Variants in MS4A14 observed in about 807,000 individuals in gnomAD.
MS4A14 encodes the protein membrane spanning 4-domains A14.
MS4A14 carries 18 observed loss-of-function variants against 16.7 expected under a neutral mutation model. The ratio of observed to expected loss-of-function variants is 1.08; its 90% CI spans 0.75 to 1.60. MS4A14 has a LOEUF of 1.60. Ranked by LOEUF, MS4A14 falls within the 40% of genes most tolerant of loss-of-function variation. MS4A14 has a pLI of 0.00. For missense variants in MS4A14, 812 were observed against 775.3 expected (o/e 1.05, Z -0.56); for synonymous variants, 305 against 289.4 (o/e 1.05, Z -0.55).
chr11:60,417,166 A>T lies in MS4A14; in HGVS notation c.*158A>T, dbSNP rs2085960836. 1 of 821,270 alleles carries T rather than the reference A, an allele frequency of 1.2e-6. No homozygotes were observed. Among genetic ancestry groups the T allele is most frequent in the South Asian group, 2.0e-5 (1 of 50,190 alleles). The allele number at this position is 821,270 out of a possible 1,614,324, so 50.9% of individuals were successfully genotyped here. On this transcript the variant is annotated 3_prime_UTR_variant, in exon 5 of 5. Transcript: ENST00000300187. ...ACGCAACAGCCCAACATAACCTAGA[A>T]TGTCAAGACACTCAAGATAAAGACC... is the stretch of plus-strand genomic sequence containing the variant.
chr11:60,416,224 C>A lies in MS4A14; in HGVS notation c.1256C>A (p.Ala419Asp). Residue 419 changes from alanine to aspartate, a missense_variant, in exon 5 of 5, where the codon GCC becomes GAC. Transcript: ENST00000300187. ...ALSAHAILPE[A>D]STSHIVQFPE... Reference sequence around the variant, plus strand: ...TCAGCGCATGCCATATTACCTGAAGCCTCAACATCCCATATTGTGCAGTTC... The same window carrying A: ...TCAGCGCATGCCATATTACCTGAAGACTCAACATCCCATATTGTGCAGTTC... 6.2e-7 allele frequency: 1 copy of A among 1,613,954 alleles called. No homozygotes were observed. The highest frequency in any genetic ancestry group is 8.5e-7 in the Non-Finnish European group (1 of 1,179,946).
Position 60,415,676 on chromosome 11 carries a change from T to C in MS4A14, c.708T>C (p.Ser236=), listed in dbSNP as rs764252361. 2 of 1,613,914 alleles carry C rather than the reference T, an allele frequency of 1.2e-6. No individual in the cohort carries two copies. The highest frequency in any genetic ancestry group is 1.7e-6 in the Non-Finnish European group (2 of 1,179,880). ...REFVPDEQKQ[S]ILPSPKFSEE... ...TTGTGCCAGATGAACAAAAGCAAAG[T>C]ATCCTTCCATCTCCCAAATTTTCAG... The change falls in exon 5 of 5, where the codon AGT becomes AGC. Residue 236 remains serine, a synonymous_variant. Coordinates refer to ENST00000300187, the MANE Select transcript of MS4A14 (RefSeq NM_032597.5).
rs755965398 is a variant in MS4A14 at position 60,416,468 on chromosome 11, A to G, written c.1500A>G (p.Arg500=). Residue 500 remains arginine, a synonymous_variant, in exon 5 of 5, where the codon AGA becomes AGG. Coordinates refer to ENST00000300187, the MANE Select transcript of MS4A14 (RefSeq NM_032597.5). ...CCAAAGCCTTGCAATACTTAAGGAG[A>G]CATTCTTTAGACGTGCAAGCCAAAG... ...QQTKALQYLR[R]HSLDVQAKGQ... 1 of 1,613,986 alleles carries G rather than the reference A, an allele frequency of 6.2e-7. No homozygotes were observed. Among genetic ancestry groups the G allele is most frequent in the Admixed American group, 1.7e-5 (1 of 59,986 alleles).
At chr11:60,406,305 G>A (rs2085785244) in intron 4 of MS4A14, among the ~76,000 whole-genome samples, 2 of 152,116 alleles carry the variant, frequency 1.3e-5, no homozygotes, top group African/African-American at 4.8e-5. Context: ...GTGACATGGG[G>A]TGTATATTCT....
chr11:60,396,863 C>T, intron 1 of MS4A14, 147 bp downstream of exon 1: 1 of 817,448 alleles, frequency 1.2e-6, no homozygotes, highest in Non-Finnish European at 1.8e-6. Context: ...GAAATTAGTA[C>T]TGATCTTTGA....
intron 4 of MS4A14, among the ~76,000 whole-genome samples, chr11:60,410,972 A>C (rs2085860796): frequency 6.6e-6 from 1 of 152,044 alleles, no homozygotes; most frequent in Non-Finnish European, 1.5e-5. Flanking sequence ...CGGCCTCCTA[A>C]GTAGCTGGGA....
chr11:60,415,977 T>C lies in MS4A14; in HGVS notation c.1009T>C (p.Ser337Pro), dbSNP rs2085934943. 6.2e-7 allele frequency: 1 copy of C among 1,613,810 alleles called. No individual in the cohort carries two copies. The highest frequency in any genetic ancestry group is 1.7e-5 in the Admixed American group (1 of 59,930). Residue 337 changes from serine to proline, a missense_variant, in exon 5 of 5, where the codon TCT becomes CCT. Physicochemically the swap from Ser to Pro is moderately conservative, Grantham distance 74. Transcript: ENST00000300187. ...AGGCCTGTCAGAACAAACCATGCCA[T>C]CTAAGTCTACATCATCCCATGTCAA... ...VEGLSEQTMP[S>P]KSTSSHVKQS... is the part of the protein sequence containing the mutation.
chr11:60,405,026 C>A (rs1320455805), intron 4 of MS4A14, among the ~76,000 whole-genome samples: 3 of 151,750 alleles, frequency 2.0e-5, no homozygotes, highest in African/African-American at 7.2e-5. Context: ...GCAGGGAAAC[C>A]AAGATTCAGA....
At chr11:60,398,470 T>C (rs1421034155) in intron 2 of MS4A14, among the ~76,000 whole-genome samples, 1 of 152,216 alleles carries the variant, frequency 6.6e-6, no homozygotes, top group African/African-American at 2.4e-5. Flanking sequence ...ATATTATTCT[T>C]AATACAGTGC....
chr11:60,416,743 A>T lies in MS4A14; in HGVS notation c.1775A>T (p.Asp592Val). The change falls in exon 5 of 5, where the codon GAT becomes GTT. Residue 592 changes from aspartate to valine, a missense_variant. Asp to Val is a radical substitution (Grantham distance 152). Coordinates refer to ENST00000300187, the MANE Select transcript of MS4A14 (RefSeq NM_032597.5). ...GGACAAGTTAAAGACCAGCAGACTG[A>T]TAAGGAGCAAAACTCAAAGAAGCAA... ...KDGQVKDQQT[D>V]KEQNSKKQTQ... is the part of the protein sequence containing the mutation. The T allele has an allele frequency of 6.2e-7, 1 of 1,613,718 alleles. No homozygotes were observed.
At chr11:60,404,456 G>A (rs979163252) in intron 4 of MS4A14, 4 of 438,124 alleles carry the variant, frequency 9.1e-6, no homozygotes, top group Middle Eastern at 3.4e-4. Flanking sequence ...ATGGCTTCCT[G>A]TAAAACGTAT....
chr11:60,409,566 T>C (rs2085837257), intron 4 of MS4A14, among the ~76,000 whole-genome samples: 1 of 148,388 alleles, frequency 6.7e-6, no homozygotes, highest in Admixed American at 6.8e-5. Flanking sequence ...ATATGTAATA[T>C]ATAATGTATA....
chr11:60,407,205 G>C (rs71488455), intron 4 of MS4A14, among the ~76,000 whole-genome samples: 1 of 151,548 alleles, frequency 6.6e-6, no homozygotes, highest in East Asian at 1.9e-4. Context: ...TTTTTTTGTA[G>C]AAATAGGGTT....
chr11:60,402,701 G>A (rs376500491), intron 3 of MS4A14, among the ~76,000 whole-genome samples: 10 of 152,142 alleles, frequency 6.6e-5, no homozygotes, highest in African/African-American at 2.2e-4. Context: ...ATTAGCCATA[G>A]AGCATCCTTA....
intron 2 of MS4A14, among the ~76,000 whole-genome samples, chr11:60,400,147 G>T (rs1473670027): frequency 6.6e-6 from 1 of 152,092 alleles, no homozygotes; most frequent in Non-Finnish European, 1.5e-5. Context: ...TCAAACATCT[G>T]GTCCTCTGGA....
At chr11:60,398,146 A>G (rs2085658071) in intron 2 of MS4A14, 166 bp downstream of exon 2, 2 of 575,634 alleles carry the variant, frequency 3.5e-6, no homozygotes, top group Admixed American at 3.3e-5. Context: ...CTGCACTACC[A>G]TCATCATTGT....
intron 4 of MS4A14, among the ~76,000 whole-genome samples, chr11:60,404,337 C>G (rs1034871809): frequency 1.3e-5 from 2 of 152,192 alleles, no homozygotes; most frequent in Non-Finnish European, 2.9e-5. Context: ...AGAGCCAGAA[C>G]AGTGGGCTTT....
Position 60,415,757 on chromosome 11 carries a change from G to C in MS4A14, c.789G>C (p.Met263Ile). ...PTLEKKPSEN[M>I]SIQLDSTFKQ... ...TAGAGAAAAAGCCCTCAGAAAATAT[G>C]TCCATTCAGCTAGACTCTACATTTA... Residue 263 changes from methionine to isoleucine, a missense_variant, in exon 5 of 5, where the codon ATG becomes ATC. Transcript: ENST00000300187. The C allele has an allele frequency of 6.2e-7, 1 of 1,613,888 alleles. No homozygotes were observed. The highest frequency in any genetic ancestry group is 8.5e-7 in the Non-Finnish European group (1 of 1,179,888).
chr11:60,405,438 C>T (rs1161923648), intron 4 of MS4A14, among the ~76,000 whole-genome samples: 1 of 152,204 alleles, frequency 6.6e-6, no homozygotes, highest in Non-Finnish European at 1.5e-5. Context: ...TTTTGAGACA[C>T]CATAAGGTAC....
Sources: gnomAD v4.1 joint callset for allele counts (sites outside exome capture counted in the v4.1 genomes callset) on GRCh38, gnomAD v4.1.1 for gene constraint, MANE v1.5 for transcripts, NCBI Gene and HGNC (gene_info 2026-07-23, HGNC 2026-07-21) for gene names.